The following PTPRT variants were observed in gnomAD, a reference collection of about 807,000 sequenced individuals.
PTPRT encodes protein tyrosine phosphatase receptor type T, also known as receptor-type tyrosine-protein phosphatase T.
PTPRT carries 56 observed loss-of-function variants against 176.8 expected under a neutral mutation model. The observed-to-expected ratio is 0.32, with a 90% CI of 0.26 to 0.40. PTPRT has a LOEUF of 0.40. PTPRT is among the 10% of genes least tolerant of loss of function. The pLI, the probability that PTPRT is intolerant of heterozygous loss-of-function variation, is 1.00. For synonymous variants in PTPRT, 783 were observed against 739.0 expected (o/e 1.06, Z -0.96); for missense variants, 1,540 against 1,908.2 (o/e 0.81, Z 3.60).
In PTPRT at chr20:42,817,740, A is replaced by G. The variant is rs150667057; in HGVS notation, c.215-26274T>C. ...AAGATTTGTCCCCACAGCCCAACAC[A>G]CTGGCTGTGGCAGTCTGAGGCCAGC... On this transcript the variant is annotated intron_variant, in intron 2 of 30. Transcript: ENST00000373187. Among the ~76,000 whole-genome samples, 360 of 152,264 alleles carry G rather than the reference A, an allele frequency of 2.4e-3. 1 individual carries two copies. The highest frequency in any genetic ancestry group is 4.1e-3 in the Admixed American group (62 of 15,292).
chr20:42,920,470 A>G (rs1399161406), intron 1 of PTPRT, among the ~76,000 whole-genome samples: 1 of 152,132 alleles, frequency 6.6e-6, no homozygotes, highest in East Asian at 1.9e-4. Flanking sequence ...GAGGGACTCT[A>G]TATCTTGATG....
chr20:42,454,569 A>G (rs1293430951), intron 8 of PTPRT, among the ~76,000 whole-genome samples: 2 of 152,206 alleles, frequency 1.3e-5, no homozygotes, highest in African/African-American at 4.8e-5. Context: ...AAGGTTTTAC[A>G]TGCTTTTACC....
chr20:42,230,654 T>C (rs2056114884), intron 15 of PTPRT, among the ~76,000 whole-genome samples: 1 of 152,154 alleles, frequency 6.6e-6, no homozygotes, highest in Non-Finnish European at 1.5e-5. Context: ...ACCAAAACAC[T>C]GGGAAGTCAC....
At chr20:42,197,139 G>A (rs1284746915) in intron 16 of PTPRT, among the ~76,000 whole-genome samples, 2 of 152,092 alleles carry the variant, frequency 1.3e-5, no homozygotes, top group Non-Finnish European at 2.9e-5. Flanking sequence ...CAGCACTTTG[G>A]GAGGCCGAGG....
At chr20:42,176,564 C>A (rs960994370) in intron 16 of PTPRT, among the ~76,000 whole-genome samples, 3 of 152,174 alleles carry the variant, frequency 2.0e-5, no homozygotes, top group African/African-American at 7.2e-5. Context: ...CACCAAACTC[C>A]ATAACCTGCA....
intron 7 of PTPRT, among the ~76,000 whole-genome samples, chr20:42,577,271 A>T (rs6124477): frequency 0.054 from 8,213 of 152,300 alleles, 252 homozygotes; most frequent in Middle Eastern, 0.11. Context: ...AGCATTAAAA[A>T]GATTCACTCC....
At chr20:42,677,721 C>G (rs2075531014) in intron 7 of PTPRT, 145 bp downstream of exon 7, 1 of 954,766 alleles carries the variant, frequency 1.0e-6, no homozygotes, top group African/African-American at 1.6e-5. Flanking sequence ...AACCCCAAGG[C>G]CTTGATCCTG....
chr20:42,303,674 T>C (rs1396164195), intron 12 of PTPRT, among the ~76,000 whole-genome samples: 5 of 152,178 alleles, frequency 3.3e-5, no homozygotes, highest in Non-Finnish European at 5.9e-5. Context: ...TTCGAGAATC[T>C]GTTTGAGACA....
intron 1 of PTPRT, chr20:42,969,693 G>A (rs899454212): frequency 2.0e-5 from 3 of 152,108 alleles, no homozygotes; most frequent in Non-Finnish European, 4.4e-5. Context: ...TTGGTGCTAA[G>A]ATTTGAGTTA....
intron 30 of PTPRT, among the ~76,000 whole-genome samples, chr20:42,081,319 G>T (rs1338679898): frequency 6.6e-6 from 1 of 152,074 alleles, no homozygotes; most frequent in East Asian, 1.9e-4. Context: ...TGCTGCTGCT[G>T]GTCTGTGACC....
At chr20:42,450,452 G>A (rs1257574075) in intron 8 of PTPRT, among the ~76,000 whole-genome samples, 1 of 152,134 alleles carries the variant, frequency 6.6e-6, no homozygotes, top group Non-Finnish European at 1.5e-5. Context: ...TACAGATTTT[G>A]TTTTCAGCCT....
At chr20:42,524,134 G>A (rs1397320469) in intron 7 of PTPRT, among the ~76,000 whole-genome samples, 1 of 152,112 alleles carries the variant, frequency 6.6e-6, no homozygotes, top group African/African-American at 2.4e-5. Flanking sequence ...CAATAGTTTA[G>A]TTGTATCATG....
At chr20:42,554,992 T>C (rs1031982227) in intron 7 of PTPRT, among the ~76,000 whole-genome samples, 2 of 152,216 alleles carry the variant, frequency 1.3e-5, no homozygotes, top group Admixed American at 6.5e-5. Flanking sequence ...TATTGTGTTA[T>C]GGAGTAGGAG....
chr20:42,405,974 T>A (rs1275814132), intron 9 of PTPRT, among the ~76,000 whole-genome samples: 5 of 152,132 alleles, frequency 3.3e-5, no homozygotes, highest in African/African-American at 4.8e-5. Context: ...TTATCTTAAA[T>A]ACACAGACCC....
intron 20 of PTPRT, 43 bp downstream of exon 20, chr20:42,119,892 C>T (rs774197430): frequency 1.9e-6 from 3 of 1,569,854 alleles, no homozygotes; most frequent in South Asian, 2.3e-5. Flanking sequence ...CCCTGGGACC[C>T]CTGAAGCCTC....
At chr20:42,931,597 T>C (rs142720733) in intron 1 of PTPRT, among the ~76,000 whole-genome samples, 4 of 152,150 alleles carry the variant, frequency 2.6e-5, no homozygotes, top group African/African-American at 9.7e-5. Context: ...TAGAACCTTC[T>C]CATAGAAGAG....
intron 6 of PTPRT, among the ~76,000 whole-genome samples, chr20:42,741,300 C>T (rs2076606263): frequency 6.6e-6 from 1 of 152,078 alleles, no homozygotes; most frequent in Non-Finnish European, 1.5e-5. Flanking sequence ...GGCATGAGCC[C>T]TTTTGTGCAA....
intron 9 of PTPRT, among the ~76,000 whole-genome samples, chr20:42,414,269 AC>A (rs2059044612): frequency 6.6e-6 from 1 of 152,242 alleles, no homozygotes; most frequent in Non-Finnish European, 1.5e-5. Context: ...ATGGAAACAA[AC>A]AGCTACTTTT....
At chr20:42,400,930 G>GGGAA (rs1046683581) in intron 9 of PTPRT, among the ~76,000 whole-genome samples, 3 of 151,888 alleles carry the variant, frequency 2.0e-5, no homozygotes, top group Admixed American at 2.0e-4. Flanking sequence ...AAGCTATACT[G>GGGAA]GGAAGGAAGG....
Sources: gnomAD v4.1 joint callset for allele counts (sites outside exome capture counted in the v4.1 genomes callset) on GRCh38, gnomAD v4.1.1 for gene constraint, MANE v1.5 for transcripts, NCBI Gene and HGNC (gene_info 2026-07-23, HGNC 2026-07-21) for gene names.